Variants in CCDC3 observed in about 807,000 individuals in gnomAD.
CCDC3 encodes the protein coiled-coil domain-containing protein 3.
In CCDC3, 24 loss-of-function variants were observed where a neutral mutation model predicts 21.4. The observed-to-expected ratio is 1.12, with a 90% CI of 0.81 to 1.58. The LOEUF is 1.58. Among genes scored for constraint, CCDC3 ranks in the 40% most tolerant of loss-of-function variants. The pLI is 0.00. For synonymous variants in CCDC3, 186 were observed against 166.0 expected, an observed-to-expected ratio of 1.12 and a Z score of -0.93; for missense variants, 425 against 360.9, an observed-to-expected ratio of 1.18 and a Z score of -1.44.
chr10:13,085,249 C>CTT, intron 3 of CCDC3, among the ~76,000 whole-genome samples: 1 of 152,222 alleles, frequency 6.6e-6, no homozygotes, highest in South Asian at 2.1e-4. Flanking sequence ...GTGTGCGCAC[C>CTT]CCAGAAACTT....
chr10:13,075,551 A>C (rs1836953555), intron 3 of CCDC3, among the ~76,000 whole-genome samples: 1 of 152,114 alleles, frequency 6.6e-6, no homozygotes, highest in African/African-American at 2.4e-5. Context: ...TGCTAAAAAT[A>C]AGGGAAGAAA....
At chr10:12,914,153 C>T (rs2131207336) in intron 2 of CCDC3, among the ~76,000 whole-genome samples, 1 of 152,280 alleles carries the variant, frequency 6.6e-6, no homozygotes, top group East Asian at 1.9e-4. Flanking sequence ...TGAGAAGAAT[C>T]AGTATACTTC....
chr10:12,984,915 C>T (rs73581794), intron 2 of CCDC3, among the ~76,000 whole-genome samples: 2,341 of 152,250 alleles, frequency 0.015, 63 homozygotes, highest in African/African-American at 0.053. Context: ...AGAACTGAGA[C>T]TGATCAGTAA....
Position 12,970,672 on chromosome 10 carries a change from G to C in CCDC3, c.549+27666C>G, listed in dbSNP as rs201316380. Among the ~76,000 whole-genome samples, 4 of 152,122 alleles carry C rather than the reference G, an allele frequency of 2.6e-5. No homozygotes were observed. The East Asian group carries it at 7.7e-4, about 29-fold the overall frequency. ...GGCAGGGCAACTGGGGATCACCTGAGGCCAAGAGTTCGAGACTAACCTGGC... is the reference window on the plus strand; with the variant it reads ...GGCAGGGCAACTGGGGATCACCTGACGCCAAGAGTTCGAGACTAACCTGGC... On this transcript the variant is annotated intron_variant, in intron 2 of 2. Transcript: ENST00000378825.
At position 12,980,281 on chromosome 10, in the gene CCDC3, G is replaced by T. The variant is rs894973736; in HGVS notation, c.549+18057C>A. On this transcript the variant is annotated intron_variant, in intron 2 of 2. Coordinates refer to ENST00000378825, the MANE Select transcript of CCDC3 (RefSeq NM_031455.4). Reference sequence around the variant, plus strand: ...GCTGATTTAACTAAAAGAAAGATGAGAACCAGCCAGGGGAACTGAAGCTTG... The same window carrying T: ...GCTGATTTAACTAAAAGAAAGATGATAACCAGCCAGGGGAACTGAAGCTTG... 4.6e-5 allele frequency among the ~76,000 whole-genome samples: 7 copies of T among 152,216 alleles called. No individual in the cohort carries two copies. In the South Asian group the frequency reaches 1.4e-3, roughly 32 times the overall value.
At chr10:12,922,120 T>C (rs1448897241) in intron 2 of CCDC3, among the ~76,000 whole-genome samples, 1 of 152,076 alleles carries the variant, frequency 6.6e-6, no homozygotes, top group African/African-American at 2.4e-5. Flanking sequence ...CCAGGCTTTA[T>C]CTCTGACTCC....
intron 4 of CCDC3, among the ~76,000 whole-genome samples, chr10:13,066,190 T>G (rs1836818247): frequency 6.6e-6 from 1 of 151,952 alleles, no homozygotes; most frequent in Non-Finnish European, 1.5e-5. Flanking sequence ...AGGGTCTCAT[T>G]CCCATCACCC....
chr10:13,030,072 T>A (rs775110697), intron 5 of CCDC3, among the ~76,000 whole-genome samples: 1 of 151,726 alleles, frequency 6.6e-6, no homozygotes, highest in African/African-American at 2.4e-5. Flanking sequence ...AAGGAAAAAA[T>A]ATTAAGGGCA....
intron 2 of CCDC3, among the ~76,000 whole-genome samples, chr10:12,929,612 T>G (rs760700835): frequency 6.6e-6 from 1 of 152,182 alleles, no homozygotes; most frequent in Non-Finnish European, 1.5e-5. Flanking sequence ...TCTCACTCTC[T>G]ACCACATGCC....
intron 2 of CCDC3, among the ~76,000 whole-genome samples, chr10:12,938,565 A>G (rs1834774483): frequency 6.6e-6 from 1 of 152,234 alleles, no homozygotes; most frequent in South Asian, 2.1e-4. Context: ...GAGACCATAG[A>G]CAAGTTACTC....
intron 2 of CCDC3, among the ~76,000 whole-genome samples, chr10:12,982,121 CAAAAAAAAAAA>C (rs71386135): frequency 1.5e-4 from 5 of 33,252 alleles, no homozygotes; most frequent in East Asian, 1.2e-3. Flanking sequence ...GACTCTGTCT[CAAAAAAAAAAA>C]AAAAAAAAAA....
intron 2 of CCDC3, 102 bp from the exon 3 acceptor site, chr10:12,898,781 G>T: frequency 7.3e-7 from 1 of 1,374,462 alleles, no homozygotes. Context: ...CAGCAACACA[G>T]ACCCCGATTC....
At chr10:13,060,873 G>A (rs1439947556) in intron 4 of CCDC3, among the ~76,000 whole-genome samples, 1 of 152,110 alleles carries the variant, frequency 6.6e-6, no homozygotes, top group African/African-American at 2.4e-5. Context: ...TATCATTTGT[G>A]AGTTTTATAA....
chr10:13,068,063 TC>T (rs1836843105), intron 4 of CCDC3, among the ~76,000 whole-genome samples: 1 of 152,154 alleles, frequency 6.6e-6, no homozygotes, highest in South Asian at 2.1e-4. Context: ...GGCATGGGAC[TC>T]CTTGGGAAAA....
intron 2 of CCDC3, among the ~76,000 whole-genome samples, chr10:12,995,191 T>A (rs1484214317): frequency 6.6e-6 from 1 of 152,108 alleles, no homozygotes; most frequent in African/African-American, 2.4e-5. Flanking sequence ...CTTTAAAAAG[T>A]CAATGTAATT....
intron 3 of CCDC3, among the ~76,000 whole-genome samples, chr10:13,094,352 A>T (rs1205703234): frequency 2.0e-5 from 3 of 151,970 alleles, no homozygotes; most frequent in Admixed American, 2.0e-4. Flanking sequence ...TCCACCTCCC[A>T]GGTTCAAGAG....
In CCDC3 at chr10:12,898,112, C is replaced by T. The variant is rs552142189; in HGVS notation, c.*304G>A. The T allele has an allele frequency of 1.5e-5, 6 of 392,858 alleles. No homozygotes were observed. The highest frequency in any genetic ancestry group is 8.0e-5 in the African/African-American group (4 of 49,968). 24.3% of individuals were successfully genotyped at this position (392,858 alleles called of 1,614,324 possible). The stretch of plus-strand genomic sequence containing the variant: ...CTAGAGATTCTAAAATGTTCTCTCC[C>T]CAGTCAGGGCTCTTTCTGGGCTGCT... On this transcript the variant is annotated 3_prime_UTR_variant, in exon 3 of 3. Transcript: ENST00000378825.
In CCDC3 at chr10:12,898,543, C is replaced by T. The variant is rs201278628; in HGVS notation, c.686G>A (p.Arg229Gln). Residue 229 changes from arginine to glutamine, a missense_variant, in exon 3 of 3, where the codon CGG becomes CAG. By Grantham distance (43) the Arg-to-Gln change is conservative (BLOSUM62 1). Coordinates refer to ENST00000378825, the MANE Select transcript of CCDC3 (RefSeq NM_031455.4). ...ERVKKVKRSL[R>Q]QARKKGRHLE... ...GTGGCGGCCCTTCTTACGCGCCTGCCGCAAGGACCTCTTGACCTTCTTCAC... is the reference window on the plus strand; with the variant it reads ...GTGGCGGCCCTTCTTACGCGCCTGCTGCAAGGACCTCTTGACCTTCTTCAC... The T allele has an allele frequency of 3.1e-6, 5 of 1,614,194 alleles. No individual in the cohort carries two copies. The highest frequency in any genetic ancestry group is 2.7e-5 in the African/African-American group (2 of 75,056).
At chr10:12,913,367 ATTTCT>A (rs1834299542) in intron 2 of CCDC3, among the ~76,000 whole-genome samples, 1 of 152,122 alleles carries the variant, frequency 6.6e-6, no homozygotes, top group Non-Finnish European at 1.5e-5. Flanking sequence ...TGTTTTATTG[ATTTCT>A]TTTCCAGATA....
Sources: allele counts gnomAD v4.1 joint callset (sites outside exome capture counted in the v4.1 genomes callset), GRCh38; gene constraint gnomAD v4.1.1; transcripts MANE v1.5; gene names NCBI Gene and HGNC (gene_info 2026-07-23, HGNC 2026-07-21).